CAMTA1: variants seen among roughly 807,000 people sequenced by gnomAD.
The protein encoded by CAMTA1 is calmodulin-binding transcription activator 1.
In CAMTA1, 27 loss-of-function variants were observed where a neutral mutation model predicts 170.9. The ratio of observed to expected loss-of-function variants is 0.16; its 90% CI spans 0.12 to 0.22. The LOEUF is 0.22. Ranked by LOEUF, CAMTA1 falls within the 10% of genes least tolerant of loss-of-function variation. The probability of loss-of-function intolerance (pLI) is 1.00; values close to 1 mark genes in which losing one functional copy is unlikely to be tolerated. For missense variants in CAMTA1, 1,619 were observed against 2,217.2 expected (o/e 0.73, Z 5.42); for synonymous variants, 833 against 891.5 (o/e 0.93, Z 1.17).
intron 6 of CAMTA1, among the ~76,000 whole-genome samples, chr1:7,530,334 T>C (rs115088806): frequency 0.01 from 1,596 of 152,358 alleles, 31 homozygotes; most frequent in African/African-American, 0.037. Flanking sequence ...GTGGCACTGA[T>C]GCACTGAGCT....
chr1:7,449,784 A>AAG (rs995760833), intron 5 of CAMTA1, among the ~76,000 whole-genome samples: 4 of 151,098 alleles, frequency 2.6e-5, no homozygotes, highest in Admixed American at 1.3e-4. Context: ...AAAAAAAAAA[A>AAG]AAAAGAAAGA....
chr1:6,975,584 G>C, intron 3 of CAMTA1, among the ~76,000 whole-genome samples: 1 of 152,130 alleles, frequency 6.6e-6, no homozygotes, highest in East Asian at 1.9e-4. Flanking sequence ...CAAGCTGATG[G>C]GGAGCGTGGC....
rs902498321 is a variant in CAMTA1 at position 7,333,488 on chromosome 1, C to T, written c.438+83862C>T. Among the ~76,000 whole-genome samples, 5 of 152,296 alleles carry T rather than the reference C, an allele frequency of 3.3e-5. No individual in the cohort carries two copies. The highest frequency in any genetic ancestry group is 1.2e-4 in the African/African-American group (5 of 41,560). The stretch of plus-strand genomic sequence containing the variant: ...AATTCCCTTTGCACTGGGAGATTTC[C>T]CGGCAGAGGTCCTACATTTCGGCAG... On this transcript the variant is annotated intron_variant, in intron 5 of 22. Coordinates refer to ENST00000303635, the MANE Select transcript of CAMTA1 (RefSeq NM_015215.4). This position sits in a 1 kb window ranked among gnomAD's most constrained non-coding sequence, Gnocchi z 4.4.
intron 5 of CAMTA1, among the ~76,000 whole-genome samples, chr1:7,270,291 A>T (rs369104358): frequency 0.074 from 8,201 of 110,164 alleles, 682 homozygotes; most frequent in African/African-American, 0.19. Flanking sequence ...ATATATATAT[A>T]TTTTTTTTTT....
At chr1:7,452,740 G>A (rs1274258050) in intron 5 of CAMTA1, among the ~76,000 whole-genome samples, 1 of 152,198 alleles carries the variant, frequency 6.6e-6, no homozygotes, top group Non-Finnish European at 1.5e-5. Flanking sequence ...ATTGTATGGC[G>A]AGCCCACATT....
At chr1:6,840,782 C>T (rs1655353103) in intron 3 of CAMTA1, among the ~76,000 whole-genome samples, 1 of 152,168 alleles carries the variant, frequency 6.6e-6, no homozygotes, top group Admixed American at 6.5e-5. Context: ...GGAGCCAGCA[C>T]AGGAGGCTGC....
intron 5 of CAMTA1, among the ~76,000 whole-genome samples, chr1:7,440,036 C>T (rs1245909976): frequency 6.6e-6 from 1 of 152,268 alleles, no homozygotes; most frequent in Admixed American, 6.5e-5. Context: ...GGAACGCAGG[C>T]AGCACTGGGC....
At chr1:6,864,048 C>T (rs148708945) in intron 3 of CAMTA1, among the ~76,000 whole-genome samples, 36 of 152,246 alleles carry the variant, frequency 2.4e-4, no homozygotes, top group African/African-American at 7.9e-4. Context: ...AAGACCACAG[C>T]GGCAAAGTAC....
chr1:7,295,158 GT>G (rs753807985), intron 5 of CAMTA1, among the ~76,000 whole-genome samples: 38 of 152,044 alleles, frequency 2.5e-4, no homozygotes, highest in Non-Finnish European at 4.7e-4. Flanking sequence ...GGTTTTTTTT[GT>G]TGTAAACAGG....
Position 7,768,321 on chromosome 1 carries a change from A to C in CAMTA1, c.*1830A>C, listed in dbSNP as rs896619705. 6.5e-6 allele frequency: 1 copy of C among 152,778 alleles called. No individual in the cohort carries two copies. Among genetic ancestry groups the C allele is most frequent in the Non-Finnish European group, 1.5e-5 (1 of 68,044 alleles). The allele number at this position is 152,778 out of a possible 1,614,324, so 9.5% of individuals were successfully genotyped here. A position where few individuals can be genotyped will look rare whatever the true frequency, so the allele number is the denominator to read the frequency against. ...CCAAAGAAATCTGATGTTTTTAACA[A>C]TTAAACTGCTAATGTTAAATTGAGA... On this transcript the variant is annotated 3_prime_UTR_variant, in exon 23 of 23. Coordinates refer to ENST00000303635, the MANE Select transcript of CAMTA1 (RefSeq NM_015215.4).
rs140725443 is a variant in CAMTA1, at chr1:7,215,518, C to T, written c.303-33973C>T. 5.4e-3 allele frequency among the ~76,000 whole-genome samples: 822 copies of T among 152,280 alleles called. 17 individuals carry two copies. Among genetic ancestry groups the T allele is most frequent in the Admixed American group, 0.04 (614 of 15,306 alleles). On this transcript the variant is annotated intron_variant, in intron 4 of 22. Coordinates refer to ENST00000303635, the MANE Select transcript of CAMTA1 (RefSeq NM_015215.4). The stretch of plus-strand genomic sequence containing the variant: ...AAGCGATTTTCCCACCTCAGCCTCT[C>T]GAGTAGCTGGGACTACAGGCACACA...
intron 4 of CAMTA1, among the ~76,000 whole-genome samples, chr1:7,125,813 C>T (rs1644899806): frequency 6.6e-6 from 1 of 152,194 alleles, no homozygotes; most frequent in Non-Finnish European, 1.5e-5. Flanking sequence ...GAAGTGAAAT[C>T]ACGGGACAGA....
intron 5 of CAMTA1, among the ~76,000 whole-genome samples, chr1:7,338,343 A>G (rs947044174): frequency 1.1e-4 from 17 of 152,206 alleles, no homozygotes; most frequent in African/African-American, 4.1e-4. Context: ...CTACTCATGT[A>G]GGGCCGGGAC....
intron 3 of CAMTA1, among the ~76,000 whole-genome samples, chr1:6,883,393 G>A (rs1032614762): frequency 2.0e-5 from 3 of 152,208 alleles, no homozygotes; most frequent in African/African-American, 7.2e-5. Flanking sequence ...AGGGAGCTGA[G>A]CTGGTGCTCT....
intron 4 of CAMTA1, among the ~76,000 whole-genome samples, chr1:7,207,325 C>T (rs1223802613): frequency 1.3e-5 from 2 of 152,084 alleles, no homozygotes; most frequent in South Asian, 2.1e-4. Flanking sequence ...ACCCAGTGAG[C>T]GTGTCAAGGG....
intron 7 of CAMTA1, among the ~76,000 whole-genome samples, chr1:7,647,593 G>A (rs576708294): frequency 1.2e-4 from 19 of 152,160 alleles, no homozygotes; most frequent in Non-Finnish European, 2.2e-4. Context: ...TGGAGTGGTG[G>A]GGCTTGGGGT....
intron 2 of CAMTA1, among the ~76,000 whole-genome samples, chr1:6,824,714 A>G (rs1442473848): frequency 6.6e-6 from 1 of 152,106 alleles, no homozygotes; most frequent in Non-Finnish European, 1.5e-5. Flanking sequence ...GAAACTTAAC[A>G]TTTTTTCAAC....
intron 1 of CAMTA1, among the ~76,000 whole-genome samples, chr1:6,814,253 C>A (rs554547783): frequency 6.6e-6 from 1 of 152,122 alleles, no homozygotes; most frequent in Non-Finnish European, 1.5e-5. Context: ...AATTAAAAAG[C>A]AGTTTACAGA....
At chr1:6,900,838 G>A (rs973453212) in intron 3 of CAMTA1, among the ~76,000 whole-genome samples, 2 of 152,214 alleles carry the variant, frequency 1.3e-5, no homozygotes, top group Non-Finnish European at 2.9e-5. Context: ...ATAGTAAGAT[G>A]TCTGTTTTCC....
Sources: gnomAD v4.1 joint callset for allele counts (sites outside exome capture counted in the v4.1 genomes callset) on GRCh38, gnomAD v4.1.1 for gene constraint, Gnocchi (gnomAD v3.1) non-coding constraint, MANE v1.5 for transcripts, NCBI Gene and HGNC (gene_info 2026-07-23, HGNC 2026-07-21) for gene names.